TMEM267: variants seen among roughly 807,000 people sequenced by gnomAD.
TMEM267 encodes transmembrane protein 267.
TMEM267 carries 20 observed loss-of-function variants against 19.3 expected under a neutral mutation model. The ratio of observed to expected loss-of-function variants is 1.04; its 90% CI spans 0.73 to 1.51. The LOEUF is 1.51. Ranked by LOEUF, TMEM267 falls within the 40% of genes most tolerant of loss-of-function variation. The pLI, the probability that TMEM267 is intolerant of heterozygous loss-of-function variation, is 0.00. For missense variants in TMEM267, 242 were observed against 261.9 expected (o/e 0.92, Z 0.52); for synonymous variants, 88 against 90.3 (o/e 0.97, Z 0.15).
intron 1 of TMEM267, among the ~76,000 whole-genome samples, chr5:43,455,768 G>A (rs1186673015): frequency 1.3e-5 from 2 of 152,128 alleles, no homozygotes; most frequent in Admixed American, 1.3e-4. Flanking sequence ...GGCCAGGCTG[G>A]TTTCGAACTT....
intron 1 of TMEM267, among the ~76,000 whole-genome samples, chr5:43,472,144 A>G (rs915358758): frequency 7.2e-5 from 11 of 152,346 alleles, no homozygotes; most frequent in Non-Finnish European, 1.2e-4. Flanking sequence ...TTGAATAGAC[A>G]TTTCTCAAAT....
rs149970105 is a variant in TMEM267, at chr5:43,460,024, G to A, written c.-74-5981C>T. Among the ~76,000 whole-genome samples, 208 of 152,306 alleles carry A rather than the reference G, an allele frequency of 1.4e-3. 1 individual carries two copies. The highest frequency in any genetic ancestry group is 4.8e-3 in the African/African-American group (199 of 41,558). ...CTGCATCTAGAGAGTTCCATCTTAG[G>A]ATGGTGGGAGACAGTGACAGATCAT... On this transcript the variant is annotated intron_variant, in intron 1 of 2. Coordinates refer to ENST00000397080, the MANE Select transcript of TMEM267 (RefSeq NM_022483.5).
chr5:43,466,000 A>T (rs749742834), intron 1 of TMEM267, among the ~76,000 whole-genome samples: 11 of 151,972 alleles, frequency 7.2e-5, no homozygotes, highest in Non-Finnish European at 1.5e-4. Flanking sequence ...AGAAAGGAGT[A>T]TATAGGGAAT....
chr5:43,467,907 G>C (rs1017335905), intron 1 of TMEM267, among the ~76,000 whole-genome samples: 5 of 152,132 alleles, frequency 3.3e-5, no homozygotes, highest in Non-Finnish European at 7.3e-5. Flanking sequence ...CCTCAGTTGG[G>C]GGGGGCCTTA....
At chr5:43,456,306 G>A (rs547896656) in intron 1 of TMEM267, among the ~76,000 whole-genome samples, 1 of 152,062 alleles carries the variant, frequency 6.6e-6, no homozygotes, top group South Asian at 2.1e-4. Flanking sequence ...AAACCTAAAT[G>A]TAAATAAAAC....
intron 1 of TMEM267, among the ~76,000 whole-genome samples, chr5:43,473,493 A>G (rs1744212713): frequency 6.6e-6 from 1 of 152,130 alleles, no homozygotes; most frequent in African/African-American, 2.4e-5. Context: ...TCATGAGTGA[A>G]CTCCCATTCA....
At chr5:43,470,214 C>T (rs1743980710) in intron 1 of TMEM267, among the ~76,000 whole-genome samples, 1 of 152,200 alleles carries the variant, frequency 6.6e-6, no homozygotes, top group Admixed American at 6.5e-5. Flanking sequence ...GCAATCTCAG[C>T]TCATTGCAGC....
intron 1 of TMEM267, among the ~76,000 whole-genome samples, chr5:43,467,149 A>G (rs1743783292): frequency 7.1e-6 from 1 of 140,988 alleles, no homozygotes; most frequent in Non-Finnish European, 1.5e-5. Context: ...ACTCTGTCAA[A>G]AAAAAAAAAA....
At chr5:43,450,527 A>T (rs1249016030) in intron 2 of TMEM267, among the ~76,000 whole-genome samples, 1 of 152,218 alleles carries the variant, frequency 6.6e-6, no homozygotes, top group Non-Finnish European at 1.5e-5. Context: ...CTTGATCCTT[A>T]TAACAACTCT....
At chr5:43,468,855 G>C (rs533930632) in intron 1 of TMEM267, among the ~76,000 whole-genome samples, 1 of 152,224 alleles carries the variant, frequency 6.6e-6, no homozygotes, top group South Asian at 2.1e-4. Flanking sequence ...AACAAAAATT[G>C]AATTAATATC....
intron 1 of TMEM267, among the ~76,000 whole-genome samples, chr5:43,473,212 A>C (rs1260452984): frequency 6.6e-6 from 1 of 152,084 alleles, no homozygotes; most frequent in Admixed American, 6.6e-5. Flanking sequence ...GGGTAACTAC[A>C]GTGAATAATA....
chr5:43,446,611 T>A, intron 2 of TMEM267, 54 bp from the exon 3 acceptor site: 1 of 1,069,540 alleles, frequency 9.3e-7, no homozygotes, highest in Admixed American at 2.5e-5. Context: ...AAACAAAATT[T>A]TATACATGCT....
intron 1 of TMEM267, among the ~76,000 whole-genome samples, chr5:43,461,552 GC>G (rs2112098401): frequency 6.6e-6 from 1 of 152,268 alleles, no homozygotes; most frequent in African/African-American, 2.4e-5. Flanking sequence ...CCACAGAGGA[GC>G]CCACTGCCCT....
intron 1 of TMEM267, among the ~76,000 whole-genome samples, chr5:43,471,879 T>C (rs1744099542): frequency 6.6e-6 from 1 of 152,188 alleles, no homozygotes; most frequent in African/African-American, 2.4e-5. Context: ...GACATTGATG[T>C]GGGCAAAAAT....
At chr5:43,454,076 A>C (rs982354449) in intron 1 of TMEM267, 33 bp from the exon 2 acceptor site, 9 of 1,395,484 alleles carry the variant, frequency 6.4e-6, no homozygotes, top group South Asian at 1.5e-5. Flanking sequence ...ATATGAATGA[A>C]GATTATGGAC....
intron 1 of TMEM267, among the ~76,000 whole-genome samples, 165 bp from the exon 2 acceptor site, chr5:43,454,208 ATTTTTTT>A (rs374076278): frequency 7.5e-6 from 1 of 133,656 alleles, no homozygotes; most frequent in Non-Finnish European, 1.6e-5. Flanking sequence ...AGGAGAATAG[ATTTTTTT>A]TTTTTTTTTT....
At chr5:43,456,143 T>C (rs759620723) in intron 1 of TMEM267, among the ~76,000 whole-genome samples, 5 of 152,202 alleles carry the variant, frequency 3.3e-5, no homozygotes, top group Non-Finnish European at 5.9e-5. Flanking sequence ...GCCTGGTCAA[T>C]TAATTTTTGA....
chr5:43,446,907 A>G (rs1268876255), intron 2 of TMEM267, among the ~76,000 whole-genome samples: 2 of 152,084 alleles, frequency 1.3e-5, no homozygotes, highest in Non-Finnish European at 2.9e-5. Context: ...CAGGGCCTCT[A>G]AGAGCACTGT....
intron 1 of TMEM267, among the ~76,000 whole-genome samples, chr5:43,459,726 T>C (rs1398308751): frequency 6.6e-6 from 1 of 152,128 alleles, no homozygotes; most frequent in Non-Finnish European, 1.5e-5. Flanking sequence ...AAAGGCATAA[T>C]CTGAATAATA....
Sources: gnomAD v4.1 joint callset for allele counts (sites outside exome capture counted in the v4.1 genomes callset) on GRCh38, gnomAD v4.1.1 for gene constraint, MANE v1.5 for transcripts, NCBI Gene and HGNC (gene_info 2026-07-23, HGNC 2026-07-21) for gene names.